Variants in UNC5D observed in about 807,000 individuals in gnomAD.
UNC5D encodes the protein netrin receptor UNC5D.
UNC5D carries 39 observed loss-of-function variants against 105.4 expected under a neutral mutation model. That is an observed-to-expected ratio of 0.37 (90% confidence interval 0.29 to 0.48). The LOEUF (loss-of-function observed/expected upper bound fraction) is 0.48. UNC5D is among the 20% of genes least tolerant of loss of function. The pLI, the probability that UNC5D is intolerant of heterozygous loss-of-function variation, is 0.98. For missense variants in UNC5D, 991 were observed against 1,202.4 expected, an observed-to-expected ratio of 0.82 and a Z score of 2.60; for synonymous variants, 452 against 450.4, an observed-to-expected ratio of 1.00 and a Z score of -0.04.
chr8:35,382,192 C>G (rs1368477875), intron 1 of UNC5D, among the ~76,000 whole-genome samples: 1 of 152,184 alleles, frequency 6.6e-6, no homozygotes, highest in Non-Finnish European at 1.5e-5. Context: ...TCTGCACAGA[C>G]TAAGATAAAA....
chr8:35,346,832 C>T (rs560053010), intron 1 of UNC5D, among the ~76,000 whole-genome samples: 1 of 151,964 alleles, frequency 6.6e-6, no homozygotes, highest in African/African-American at 2.4e-5. Context: ...TTCACTGCTC[C>T]TTAATATATA....
At chr8:35,610,670 C>T (rs762744196) in intron 4 of UNC5D, among the ~76,000 whole-genome samples, 8 of 152,024 alleles carry the variant, frequency 5.3e-5, no homozygotes, top group South Asian at 2.1e-4. Flanking sequence ...GTGAGAGAAC[C>T]GAGTGCAATC....
Position 35,498,084 on chromosome 8 carries a change from C to CAAAAAAAAAAAAAAAA in UNC5D, c.104-51196_104-51181dup, listed in dbSNP as rs58175711. Among the ~76,000 whole-genome samples, 33 of 58,160 alleles carry CAAAAAAAAAAAAAAAA rather than the reference C, an allele frequency of 5.7e-4. 1 individual carries two copies. The highest frequency in any genetic ancestry group is 1.0e-3 in the Non-Finnish European group (22 of 21,238). The allele number at this position is 58,160 out of a possible 152,430, so 38.2% of individuals were successfully genotyped here. A position where few individuals can be genotyped will look rare whatever the true frequency, so the allele number is the denominator to read the frequency against. On this transcript the variant is annotated intron_variant, in intron 1 of 16. Coordinates refer to ENST00000404895, the MANE Select transcript of UNC5D (RefSeq NM_080872.4). ...AACTCCATCTCAAAACAAAACAAAA[C>CAAAAAAAAAAAAAAAA]AAAAAAAAAAAAAAAAAAAAAAAAA... is the stretch of plus-strand genomic sequence containing the variant.
intron 1 of UNC5D, among the ~76,000 whole-genome samples, chr8:35,265,012 T>C (rs987191660): frequency 6.6e-6 from 1 of 152,086 alleles, no homozygotes; most frequent in African/African-American, 2.4e-5. Flanking sequence ...AAACCGCAAA[T>C]GAAACCAAAG....
chr8:35,236,795 C>A (rs1802501445), intron 1 of UNC5D, among the ~76,000 whole-genome samples: 5 of 152,188 alleles, frequency 3.3e-5, no homozygotes, highest in Admixed American at 2.6e-4. Context: ...AGTACCGGAG[C>A]TTTACCTTTG....
At chr8:35,572,792 A>G (rs1349672733) in intron 3 of UNC5D, among the ~76,000 whole-genome samples, 1 of 151,284 alleles carries the variant, frequency 6.6e-6, no homozygotes, top group Non-Finnish European at 1.5e-5. Flanking sequence ...TGAGGCCTGC[A>G]ATTTTATATT....
At chr8:35,699,662 C>T (rs577368224) in intron 7 of UNC5D, among the ~76,000 whole-genome samples, 17 of 152,206 alleles carry the variant, frequency 1.1e-4, no homozygotes, top group South Asian at 2.1e-4. Flanking sequence ...TCCATGAGTA[C>T]GCTCAGATTG....
chr8:35,735,024 C>T (rs949576749), intron 11 of UNC5D, among the ~76,000 whole-genome samples: 4 of 152,046 alleles, frequency 2.6e-5, no homozygotes, highest in Admixed American at 1.3e-4. Context: ...GTTATCCACC[C>T]GCCTCGGCCT....
rs1817944735 is a variant in UNC5D at position 35,574,238 on chromosome 8, T to TAACACTTGGGCCTTTTCTC, written c.466+5998_466+6016dup. Among the ~76,000 whole-genome samples, 4 of 152,184 alleles carry TAACACTTGGGCCTTTTCTC rather than the reference T, an allele frequency of 2.6e-5. No homozygotes were observed. In the South Asian group the frequency reaches 8.3e-4, roughly 32 times the overall value. ...AACCCTTGGCCGGGCAAACTTTTCT[T>TAACACTTGGGCCTTTTCTC]AACACTTGGGCCTTTTCTCCCATAT... On this transcript the variant is annotated intron_variant, in intron 3 of 16. Coordinates refer to ENST00000404895, the MANE Select transcript of UNC5D (RefSeq NM_080872.4).
At chr8:35,442,196 T>C (rs1194756515) in intron 1 of UNC5D, among the ~76,000 whole-genome samples, 1 of 151,894 alleles carries the variant, frequency 6.6e-6, no homozygotes, top group East Asian at 1.9e-4. Flanking sequence ...GGACCTACAG[T>C]TATTGAAGGT....
intron 1 of UNC5D, among the ~76,000 whole-genome samples, chr8:35,384,442 C>A (rs1320524922): frequency 6.6e-6 from 1 of 152,062 alleles, no homozygotes; most frequent in East Asian, 1.9e-4. Context: ...CTCTCCTGCC[C>A]CCTTTAAATT....
chr8:35,658,944 C>T (rs1823946695), intron 4 of UNC5D, among the ~76,000 whole-genome samples: 1 of 152,094 alleles, frequency 6.6e-6, no homozygotes, highest in Non-Finnish European at 1.5e-5. Flanking sequence ...CGTGAGCCAC[C>T]GTGCCCGGCA....
At chr8:35,477,841 A>G (rs572688017) in intron 1 of UNC5D, among the ~76,000 whole-genome samples, 2 of 152,280 alleles carry the variant, frequency 1.3e-5, no homozygotes, top group African/African-American at 4.8e-5. Context: ...CACAACAAAC[A>G]AAAGAAATGA....
intron 1 of UNC5D, among the ~76,000 whole-genome samples, chr8:35,465,839 G>A (rs147595999): frequency 1.2e-3 from 181 of 152,232 alleles, no homozygotes; most frequent in African/African-American, 4.3e-3. Context: ...GCAGAGGAGA[G>A]GAGTTAGAGG....
At chr8:35,361,950 T>A (rs554328781) in intron 1 of UNC5D, among the ~76,000 whole-genome samples, 14 of 152,326 alleles carry the variant, frequency 9.2e-5, no homozygotes, top group Admixed American at 2.6e-4. Context: ...TTTGGTTATT[T>A]GTCGGTGGCA....
intron 1 of UNC5D, among the ~76,000 whole-genome samples, chr8:35,273,044 G>T (rs1233338084): frequency 2.0e-5 from 3 of 152,158 alleles, no homozygotes; most frequent in Non-Finnish European, 4.4e-5. Flanking sequence ...GGTGAGGAGG[G>T]CTCATGAATG....
chr8:35,275,299 C>A (rs565731733), intron 1 of UNC5D, among the ~76,000 whole-genome samples: 19 of 151,810 alleles, frequency 1.3e-4, no homozygotes, highest in African/African-American at 3.6e-4. Context: ...TAGAAGAAAT[C>A]TAATATTTTG....
intron 1 of UNC5D, among the ~76,000 whole-genome samples, chr8:35,505,252 A>C (rs972928517): frequency 6.6e-6 from 1 of 152,250 alleles, no homozygotes; most frequent in African/African-American, 2.4e-5. Flanking sequence ...TTTTGGGATA[A>C]ATGTGGCAAG....
chr8:35,728,908 T>G (rs1829041674), intron 10 of UNC5D, among the ~76,000 whole-genome samples: 1 of 152,206 alleles, frequency 6.6e-6, no homozygotes, highest in African/African-American at 2.4e-5. Context: ...CATATTGAAG[T>G]GAATTCTACT....
Sources: allele counts gnomAD v4.1 joint callset (sites outside exome capture counted in the v4.1 genomes callset), GRCh38; gene constraint gnomAD v4.1.1; transcripts MANE v1.5; gene names NCBI Gene and HGNC (gene_info 2026-07-23, HGNC 2026-07-21).